The following TMEM201 variants were observed in gnomAD, a reference collection of about 807,000 sequenced individuals.
TMEM201 encodes the protein transmembrane protein 201, also known as RP13-15M17.2.
A neutral mutation model predicts 63.4 loss-of-function variants in TMEM201; 26 were observed. The ratio of observed to expected loss-of-function variants is 0.41; its 90% CI spans 0.30 to 0.57. TMEM201 has a LOEUF of 0.57. Ranked by LOEUF, TMEM201 falls within the 20% of genes least tolerant of loss-of-function variation. The pLI is 0.29. For synonymous variants in TMEM201, 417 were observed against 421.6 expected (o/e 0.99, Z 0.14); for missense variants, 794 against 917.7 (o/e 0.87, Z 1.74).
In TMEM201 at chr1:9,604,923, A is replaced by T; in HGVS notation, c.1161-2634A>T. On this transcript the variant is annotated intron_variant, in intron 6 of 10. Coordinates refer to ENST00000340381, the MANE Select transcript of TMEM201 (RefSeq NM_001130924.3). This position sits in a 1 kb window ranked among gnomAD's most constrained non-coding sequence, Gnocchi z 4.1. Reference sequence around the variant, plus strand: ...TCGTGTTTTGGATGCTGTGTTTTCAATAAATGCCTCTGGGGCCCTGCTTTT... The same window carrying T: ...TCGTGTTTTGGATGCTGTGTTTTCATTAAATGCCTCTGGGGCCCTGCTTTT... 6.1e-6 allele frequency: 6 copies of T among 985,932 alleles called. No homozygotes were observed. Among genetic ancestry groups the T allele is most frequent in the Non-Finnish European group, 7.2e-6 (6 of 829,974 alleles). The allele number at this position is 985,932 out of a possible 1,614,324, so 61.1% of individuals were successfully genotyped here. A position where few individuals can be genotyped will look rare whatever the true frequency, so the allele number is the denominator to read the frequency against.
Position 9,607,671 on chromosome 1 carries a change from C to A in TMEM201, c.1275C>A (p.Phe425Leu). The change falls in exon 7 of 11, where the codon TTC (phenylalanine) becomes TTA (leucine). Residue 425 changes from phenylalanine (F) to leucine (L), a missense_variant. Transcript: ENST00000340381. The surrounding 1 kb of genome is among the most constrained non-coding windows in gnomAD (Gnocchi z 5.4). ...ASLFIPSPPS[F>L]LPLANQQLFR... is the part of the protein sequence containing the mutation. ...TGTTCATCCCCAGCCCGCCCAGCTTCCTGCCCCTCGCCAACCAGCAGCTCT... is the reference window on the plus strand; with the variant it reads ...TGTTCATCCCCAGCCCGCCCAGCTTACTGCCCCTCGCCAACCAGCAGCTCT... 1.3e-6 allele frequency: 2 copies of A among 1,552,018 alleles called. No individual in the cohort carries two copies. The highest frequency in any genetic ancestry group is 1.7e-6 in the Non-Finnish European group (2 of 1,147,112).
intron 1 of TMEM201, among the ~76,000 whole-genome samples, chr1:9,593,339 C>T (rs1175188503): frequency 5.9e-5 from 9 of 152,322 alleles, no homozygotes; most frequent in South Asian, 2.1e-4. Context: ...GACCCCTGGC[C>T]TACCTGCCTC....
rs1314074837 is a variant in TMEM201 at position 9,605,708 on chromosome 1, C to T, written c.1161-1849C>T. 6.6e-6 allele frequency among the ~76,000 whole-genome samples: 1 copy of T among 152,118 alleles called. No homozygotes were observed. ...TGGCACCAAACTGGGAACAACAGCCCCTGTGCCAGGTGGCCAGGAGATTCA... is the reference window on the plus strand; with the variant it reads ...TGGCACCAAACTGGGAACAACAGCCTCTGTGCCAGGTGGCCAGGAGATTCA... On this transcript the variant is annotated intron_variant, in intron 6 of 10. Transcript: ENST00000340381. This position sits in a 1 kb window ranked among gnomAD's most constrained non-coding sequence, Gnocchi z 5.7.
chr1:9,600,251 T>G (rs2100484931), intron 4 of TMEM201, among the ~76,000 whole-genome samples: 1 of 152,198 alleles, frequency 6.6e-6, no homozygotes, highest in East Asian at 1.9e-4. Context: ...ATCAACTGAG[T>G]ACTATGATAA....
At position 9,605,229 on chromosome 1, in the gene TMEM201, T is replaced by A. The variant is rs558265915; in HGVS notation, c.1161-2328T>A. Among the ~76,000 whole-genome samples, 5 of 152,278 alleles carry A rather than the reference T, an allele frequency of 3.3e-5. No individual in the cohort carries two copies. Among genetic ancestry groups the A allele is most frequent in the African/African-American group, 9.6e-5 (4 of 41,554 alleles). On this transcript the variant is annotated intron_variant, in intron 6 of 10. Transcript: ENST00000340381. This position sits in a 1 kb window ranked among gnomAD's most constrained non-coding sequence, Gnocchi z 5.7. ...GGATTGGGTCGGAGAAGACCAGACATCTCCCCTTGGTGTCAGATGAGCGTA... is the reference window on the plus strand; with the variant it reads ...GGATTGGGTCGGAGAAGACCAGACAACTCCCCTTGGTGTCAGATGAGCGTA...
chr1:9,608,493 C>T lies in TMEM201; in HGVS notation c.1393+704C>T, dbSNP rs1644278014. Among the ~76,000 whole-genome samples, 1 of 152,180 alleles carries T rather than the reference C, an allele frequency of 6.6e-6. No individual in the cohort carries two copies. Among genetic ancestry groups the T allele is most frequent in the South Asian group, 2.1e-4 (1 of 4,834 alleles). On this transcript the variant is annotated intron_variant, in intron 7 of 10. Coordinates refer to ENST00000340381, the MANE Select transcript of TMEM201 (RefSeq NM_001130924.3). The surrounding 1 kb of genome is among the most constrained non-coding windows in gnomAD (Gnocchi z 4.3). ...CAGGGCAGGCCATTTTGTACACACG[C>T]CAAGGTTTATATTAGGATGCTTTTG...
In TMEM201 at chr1:9,601,336, G is replaced by T; in HGVS notation, c.838G>T (p.Glu280Ter). 6.2e-7 allele frequency: 1 copy of T among 1,608,588 alleles called. No homozygotes were observed. ...GWRQLLGLLP[E>*]HMAEKLCEAW... Reference sequence around the variant, plus strand: ...GCGGCAGTTGCTGGGCCTACTCCCCGAGCACATGGCGGAGAAGCTGTGTGA... The same window carrying T: ...GCGGCAGTTGCTGGGCCTACTCCCCTAGCACATGGCGGAGAAGCTGTGTGA... The change falls in exon 5 of 11, where the codon GAG (glutamate) becomes TAG (stop). Residue 280 changes from glutamate to a stop codon, truncating the protein, a stop_gained. Coordinates refer to ENST00000340381, the MANE Select transcript of TMEM201 (RefSeq NM_001130924.3). LOFTEE classifies it high-confidence loss of function.
Position 9,604,755 on chromosome 1 carries a change from C to T in TMEM201, c.1160+2483C>T. On this transcript the variant is annotated intron_variant, in intron 6 of 10. Transcript: ENST00000340381. This position sits in a 1 kb window ranked among gnomAD's most constrained non-coding sequence, Gnocchi z 4.1. Reference sequence around the variant, plus strand: ...CCAGGACGCAGCCTCCACGCCGCACCTGCCACATTCAGCCCTGCCCAGGAA... The same window carrying T: ...CCAGGACGCAGCCTCCACGCCGCACTTGCCACATTCAGCCCTGCCCAGGAA... The T allele has an allele frequency of 1.0e-6, 1 of 986,028 alleles. No homozygotes were observed. The highest frequency in any genetic ancestry group is 1.2e-6 in the Non-Finnish European group (1 of 830,036). 61.1% of individuals were successfully genotyped at this position (986,028 alleles called of 1,614,324 possible).
At chr1:9,606,375 G>C (rs1644244202) in intron 6 of TMEM201, 1 of 152,250 alleles carries the variant, frequency 6.6e-6, no homozygotes, top group African/African-American at 2.4e-5. Context: ...AGTCCAGGTG[G>C]TCTCCTGGCA....
intron 6 of TMEM201, chr1:9,602,995 G>T: frequency 1.0e-6 from 1 of 985,598 alleles, no homozygotes; most frequent in South Asian, 4.7e-5. Context: ...TGAGTTTGGG[G>T]AGCGAGACCC....
In TMEM201 at chr1:9,611,695, C is replaced by T. The variant is rs1016514630; in HGVS notation, c.1766-58C>T. The T allele has an allele frequency of 1.4e-5, 22 of 1,548,210 alleles. No individual in the cohort carries two copies. The East Asian group carries it at 1.7e-4, about 12-fold the overall frequency. On this transcript the variant is annotated intron_variant, in intron 9 of 10. Transcript: ENST00000340381. ...TTAGAGTGGAAGTACAGCTGCCCCGCGTCTGTCCCTGGAGGGAGCCATGAG... is the reference window on the plus strand; with the variant it reads ...TTAGAGTGGAAGTACAGCTGCCCCGTGTCTGTCCCTGGAGGGAGCCATGAG...
intron 4 of TMEM201, among the ~76,000 whole-genome samples, chr1:9,600,512 G>A (rs977275106): frequency 2.0e-5 from 3 of 152,196 alleles, no homozygotes; most frequent in Admixed American, 1.3e-4. Flanking sequence ...TAATAAACGC[G>A]TGGTGATACC....
At chr1:9,599,606 T>C (rs1011718202) in intron 4 of TMEM201, among the ~76,000 whole-genome samples, 2 of 150,916 alleles carry the variant, frequency 1.3e-5, no homozygotes, top group Non-Finnish European at 2.9e-5. Context: ...AAATTCCTAT[T>C]GTGAGGTTTT....
At chr1:9,589,096 C>A in intron 1 of TMEM201, 53 bp downstream of exon 1, 1 of 828,168 alleles carries the variant, frequency 1.2e-6, no homozygotes, top group Non-Finnish European at 1.5e-6. Flanking sequence ...GCCAGGCCCG[C>A]CCCCGCGCCG....
chr1:9,613,156 C>T lies in TMEM201; in HGVS notation c.*73C>T. On this transcript the variant is annotated 3_prime_UTR_variant, in exon 11 of 11. Coordinates refer to ENST00000340381, the MANE Select transcript of TMEM201 (RefSeq NM_001130924.3). ...TCACCACTGCCGGCCTCAGGACCCT[C>T]CCTGGAGGGGCTGCCACCTCTGCCC... 3 of 1,451,814 alleles carry T rather than the reference C, an allele frequency of 2.1e-6. No homozygotes were observed. Among genetic ancestry groups the T allele is most frequent in the Non-Finnish European group, 2.8e-6 (3 of 1,066,862 alleles). 89.9% of individuals were successfully genotyped at this position (1,451,814 alleles called of 1,614,324 possible).
In TMEM201 at chr1:9,602,259, T is replaced by C. The variant is rs1393876574; in HGVS notation, c.1147T>C (p.Phe383Leu). 1.2e-6 allele frequency: 2 copies of C among 1,611,224 alleles called. No individual in the cohort carries two copies. The highest frequency in any genetic ancestry group is 2.2e-5 in the East Asian group (1 of 44,858). ...ATRKATGPRR[F>L]RPRRFFPGDS... ...AAGGAAGGCAACGGGCCCACGGAGG[T>C]TCCGGCCCCGAAGGTCAGAGAAGCA... Residue 383 changes from phenylalanine to leucine, a missense_variant, in exon 6 of 11, where the codon TTC becomes CTC. Phe to Leu is a conservative substitution (Grantham distance 22). Coordinates refer to ENST00000340381, the MANE Select transcript of TMEM201 (RefSeq NM_001130924.3).
Position 9,596,988 on chromosome 1 carries a change from A to G in TMEM201, c.364A>G (p.Lys122Glu), listed in dbSNP as rs2100468313. 1 of 1,612,976 alleles carries G rather than the reference A, an allele frequency of 6.2e-7. No homozygotes were observed. Among genetic ancestry groups the G allele is most frequent in the South Asian group, 1.1e-5 (1 of 91,060 alleles). ...GGTGAGCAGCCAAGTCCTGCTGTGC[A>G]AGAGGTGCAACCACCACCAGACCAC... ...QWVSSQVLLC[K>E]RCNHHQTTKI... The change falls in exon 3 of 11, where the codon AAG becomes GAG. Residue 122 changes from lysine to glutamate, a missense_variant. By Grantham distance (56) the Lys-to-Glu change is moderately conservative. Coordinates refer to ENST00000340381, the MANE Select transcript of TMEM201 (RefSeq NM_001130924.3).
chr1:9,607,476 A>G lies in TMEM201; in HGVS notation c.1161-81A>G. 1.8e-6 allele frequency: 2 copies of G among 1,099,214 alleles called. No individual in the cohort carries two copies. Among genetic ancestry groups the G allele is most frequent in the Non-Finnish European group, 1.3e-6 (1 of 771,502 alleles). 68.1% of individuals were successfully genotyped at this position (1,099,214 alleles called of 1,614,324 possible). On this transcript the variant is annotated intron_variant, in intron 6 of 10. Coordinates refer to ENST00000340381, the MANE Select transcript of TMEM201 (RefSeq NM_001130924.3). The surrounding 1 kb of genome is among the most constrained non-coding windows in gnomAD (Gnocchi z 5.4). ...AGGCCCCCACCTTGCACTGTGGGAG[A>G]GGGGTGGGACCCACTGCAAGGCTGC...
In TMEM201 at chr1:9,613,442, G is replaced by A; in HGVS notation, c.*359G>A. On this transcript the variant is annotated 3_prime_UTR_variant, in exon 11 of 11. Transcript: ENST00000340381. Reference sequence around the variant, plus strand: ...CGCCAGTACTACTGTAACTGCAGCAGGAGCTGCCCGGCCTGCCTTCTGGCC... The same window carrying A: ...CGCCAGTACTACTGTAACTGCAGCAAGAGCTGCCCGGCCTGCCTTCTGGCC... 2 of 305,802 alleles carry A rather than the reference G, an allele frequency of 6.5e-6. No individual in the cohort carries two copies. The highest frequency in any genetic ancestry group is 1.2e-5 in the Non-Finnish European group (2 of 161,830). The allele number at this position is 305,802 out of a possible 1,614,324, so 18.9% of individuals were successfully genotyped here. A position where few individuals can be genotyped will look rare whatever the true frequency, so the allele number is the denominator to read the frequency against.
Sources: gnomAD v4.1 joint callset for allele counts (sites outside exome capture counted in the v4.1 genomes callset) on GRCh38, gnomAD v4.1.1 for gene constraint, Gnocchi (gnomAD v3.1) non-coding constraint, MANE v1.5 for transcripts, NCBI Gene and HGNC (gene_info 2026-07-23, HGNC 2026-07-21) for gene names.